The following ARHGAP8 variants were observed in gnomAD, a reference collection of about 807,000 sequenced individuals.
The protein encoded by ARHGAP8 is Rho GTPase activating protein 8, also known as rho GTPase-activating protein 8.
ARHGAP8 carries 62 observed loss-of-function variants against 46.1 expected under a neutral mutation model. That is an observed-to-expected ratio of 1.34 (90% CI 1.10 to 1.66). The LOEUF (loss-of-function observed/expected upper bound fraction) is 1.66, where lower values mean the gene tolerates loss of function less well. ARHGAP8 is among the 40% of genes most tolerant of loss of function. ARHGAP8 has a pLI of 0.00. For synonymous variants in ARHGAP8, 375 were observed against 243.1 expected, an observed-to-expected ratio of 1.54 and a Z score of -5.05; for missense variants, 923 against 568.4, an observed-to-expected ratio of 1.62 and a Z score of -6.34.
chr22:44,846,062 A>T (rs2069948031), intron 8 of ARHGAP8, among the ~76,000 whole-genome samples: 1 of 151,938 alleles, frequency 6.6e-6, no homozygotes, highest in African/African-American at 2.4e-5. Flanking sequence ...TCCAGCCTCC[A>T]GAGCTCGGCT....
intron 2 of ARHGAP8, among the ~76,000 whole-genome samples, chr22:44,790,676 C>CAAAA (rs369579126): frequency 1.5e-3 from 75 of 49,370 alleles, no homozygotes; most frequent in African/African-American, 3.1e-3. Context: ...AACTCTGTCT[C>CAAAA]AAAAAAAAAA....
intron 1 of ARHGAP8, among the ~76,000 whole-genome samples, chr22:44,757,945 G>C (rs1485122919): frequency 6.6e-6 from 1 of 151,500 alleles, no homozygotes; most frequent in Non-Finnish European, 1.5e-5. Flanking sequence ...ATGACCCACC[G>C]CCCCCAGGCT....
At chr22:44,791,892 T>C (rs1266419161) in intron 2 of ARHGAP8, among the ~76,000 whole-genome samples, 1 of 152,274 alleles carries the variant, frequency 6.6e-6, no homozygotes, top group East Asian at 1.9e-4. Context: ...AAATAGAGTT[T>C]ACAGTCAAAG....
intron 10 of ARHGAP8, among the ~76,000 whole-genome samples, chr22:44,856,437 C>T (rs1181186247): frequency 6.6e-6 from 1 of 152,012 alleles, no homozygotes; most frequent in Non-Finnish European, 1.5e-5. Context: ...CCACGCCTGG[C>T]TAATTTTTGT....
chr22:44,857,759 C>A (rs548883790), intron 10 of ARHGAP8, among the ~76,000 whole-genome samples: 1 of 152,148 alleles, frequency 6.6e-6, no homozygotes, highest in Admixed American at 6.5e-5. Flanking sequence ...CTCCCACATG[C>A]AAGCTGTGTG....
At chr22:44,861,931 G>C (rs1270932369) in intron 11 of ARHGAP8, among the ~76,000 whole-genome samples, 1 of 152,150 alleles carries the variant, frequency 6.6e-6, no homozygotes, top group East Asian at 1.9e-4. Flanking sequence ...GCCGAGGCCA[G>C]AGAGGTCACC....
chr22:44,846,483 C>T (rs1163700600), intron 8 of ARHGAP8, among the ~76,000 whole-genome samples: 3 of 152,180 alleles, frequency 2.0e-5, no homozygotes, highest in African/African-American at 2.4e-5. Context: ...GACCATCTCC[C>T]TCAAACCCCA....
intron 2 of ARHGAP8, among the ~76,000 whole-genome samples, chr22:44,800,582 C>T (rs1460534407): frequency 5.0e-5 from 6 of 118,932 alleles, no homozygotes; most frequent in African/African-American, 1.4e-4. Context: ...CGCAGCTGTC[C>T]ATGTGTGGGG....
In ARHGAP8 at chr22:44,836,808, C is replaced by G. The variant is rs908546929; in HGVS notation, c.597-8461C>G. Reference sequence around the variant, plus strand: ...CTGAGGCAGGCCTGCTCAGCACTCCCCATTATCACTGTAATTTCAGGTTGC... The same window carrying G: ...CTGAGGCAGGCCTGCTCAGCACTCCGCATTATCACTGTAATTTCAGGTTGC... On this transcript the variant is annotated intron_variant, in intron 7 of 11. Coordinates refer to ENST00000356099, the MANE Select transcript of ARHGAP8 (RefSeq NM_181335.3). 2.0e-5 allele frequency among the ~76,000 whole-genome samples: 3 copies of G among 152,028 alleles called. 1 individual carries two copies. Among genetic ancestry groups the G allele is most frequent in the African/African-American group, 7.2e-5 (3 of 41,402 alleles).
intron 11 of ARHGAP8, among the ~76,000 whole-genome samples, chr22:44,860,292 C>T (rs1413531013): frequency 6.6e-6 from 1 of 152,138 alleles, no homozygotes; most frequent in Non-Finnish European, 1.5e-5. Context: ...TTTACTGTGT[C>T]ACTCTTCTAG....
At chr22:44,861,388 TG>T (rs2070475283) in intron 11 of ARHGAP8, among the ~76,000 whole-genome samples, 1 of 152,182 alleles carries the variant, frequency 6.6e-6, no homozygotes, top group South Asian at 2.1e-4. Flanking sequence ...CAGTGGCACC[TG>T]GGGGCCTCGG....
intron 10 of ARHGAP8, among the ~76,000 whole-genome samples, chr22:44,854,024 CAAAAAAAAAAAAAAA>C (rs71315119): frequency 8.8e-4 from 38 of 43,300 alleles, no homozygotes; most frequent in Admixed American, 3.0e-3. Flanking sequence ...GACTCTGTCT[CAAAAAAAAAAAAAAA>C]AAAAAAAAAA....
At chr22:44,793,059 G>A (rs1927820528) in intron 2 of ARHGAP8, among the ~76,000 whole-genome samples, 1 of 152,026 alleles carries the variant, frequency 6.6e-6, no homozygotes, top group Non-Finnish European at 1.5e-5. Context: ...CCTGACCTCG[G>A]GATCCTCCCA....
chr22:44,833,255 C>T (rs1397499573), intron 7 of ARHGAP8, among the ~76,000 whole-genome samples: 1 of 151,904 alleles, frequency 6.6e-6, no homozygotes, highest in Non-Finnish European at 1.5e-5. Flanking sequence ...TACTACCATG[C>T]CTGGTTAATT....
intron 2 of ARHGAP8, among the ~76,000 whole-genome samples, chr22:44,787,664 G>A (rs1282011747): frequency 6.6e-6 from 1 of 152,078 alleles, no homozygotes; most frequent in African/African-American, 2.4e-5. Context: ...TTTAATTTAG[G>A]TCTGAGCATG....
intron 8 of ARHGAP8, among the ~76,000 whole-genome samples, chr22:44,846,323 G>C (rs2069954845): frequency 6.6e-6 from 1 of 152,242 alleles, no homozygotes; most frequent in Non-Finnish European, 1.5e-5. Flanking sequence ...CCAGGTGGGT[G>C]GTCTTGGAAA....
At chr22:44,854,129 T>C (rs1407131178) in intron 10 of ARHGAP8, among the ~76,000 whole-genome samples, 2 of 149,722 alleles carry the variant, frequency 1.3e-5, no homozygotes, top group Non-Finnish European at 3.0e-5. Flanking sequence ...GTTCTCAATA[T>C]ATTTTAAGTT....
chr22:44,857,056 T>C (rs1467653126), intron 10 of ARHGAP8, among the ~76,000 whole-genome samples: 1 of 142,420 alleles, frequency 7.0e-6, no homozygotes, highest in Non-Finnish European at 1.5e-5. Flanking sequence ...CTCTGTTGCC[T>C]CAGCCTCCCA....
At chr22:44,823,713 C>G (rs750541224) in intron 6 of ARHGAP8, among the ~76,000 whole-genome samples, 1 of 152,100 alleles carries the variant, frequency 6.6e-6, no homozygotes, top group Non-Finnish European at 1.5e-5. Context: ...GTGATTTGGT[C>G]TGGTGACAAA....
Sources: allele counts gnomAD v4.1 joint callset (sites outside exome capture counted in the v4.1 genomes callset), GRCh38; gene constraint gnomAD v4.1.1; transcripts MANE v1.5; gene names NCBI Gene and HGNC (gene_info 2026-07-23, HGNC 2026-07-21).